The following POU2F1 variants were observed in gnomAD, a reference collection of about 807,000 sequenced individuals.
POU2F1 encodes POU class 2 homeobox 1.
In POU2F1, 16 loss-of-function variants were observed where a neutral mutation model predicts 84.9. The ratio of observed to expected loss-of-function variants is 0.19; its 90% CI spans 0.13 to 0.29. The LOEUF (loss-of-function observed/expected upper bound fraction) is 0.29. POU2F1 is among the 10% of genes least tolerant of loss of function. The pLI is 1.00. For synonymous variants in POU2F1, 368 were observed against 368.3 expected, an observed-to-expected ratio of 1.00 and a Z score of 0.01; for missense variants, 738 against 942.6, an observed-to-expected ratio of 0.78 and a Z score of 2.84.
At chr1:167,375,547 C>T (rs374930332) in intron 6 of POU2F1, among the ~76,000 whole-genome samples, 166 of 151,970 alleles carry the variant, frequency 1.1e-3, no homozygotes, top group African/African-American at 3.5e-3. Context: ...TGGAAAAGGG[C>T]AAAAAAATTG....
chr1:167,245,562 C>T (rs1013568202), intron 1 of POU2F1, among the ~76,000 whole-genome samples: 16 of 151,886 alleles, frequency 1.1e-4, no homozygotes, highest in Admixed American at 5.3e-4. Flanking sequence ...TATAGGCATG[C>T]GCCACCACAC....
intron 1 of POU2F1, among the ~76,000 whole-genome samples, chr1:167,323,875 T>G (rs992700353): frequency 6.6e-6 from 1 of 152,174 alleles, no homozygotes; most frequent in Middle Eastern, 3.4e-3. Flanking sequence ...GCATTTTTAG[T>G]AGAGATAGGG....
At chr1:167,279,451 C>A (rs1329587884) in intron 1 of POU2F1, among the ~76,000 whole-genome samples, 1 of 152,096 alleles carries the variant, frequency 6.6e-6, no homozygotes, top group East Asian at 1.9e-4. Context: ...TATAGAAATT[C>A]TTGATAATTT....
intron 13 of POU2F1, among the ~76,000 whole-genome samples, chr1:167,406,027 G>A (rs530823958): frequency 6.6e-6 from 1 of 151,894 alleles, no homozygotes; most frequent in East Asian, 1.9e-4. Context: ...TATCAGGCCG[G>A]TATTACCCAG....
Position 167,275,030 on chromosome 1 carries a change from G to GTTTTTTTTTTTTTTTTTTTTTTT in POU2F1, c.61+54073_61+54074insTTTTTTTTTTTTTTTTTTTTTTT, listed in dbSNP as rs1202443333. 1.7e-5 allele frequency among the ~76,000 whole-genome samples: 2 copies of GTTTTTTTTTTTTTTTTTTTTTTT among 120,756 alleles called. 1 individual carries two copies. Among genetic ancestry groups the GTTTTTTTTTTTTTTTTTTTTTTT allele is most frequent in the African/African-American group, 6.2e-5 (2 of 32,292 alleles). 79.2% of individuals were successfully genotyped at this position (120,756 alleles called of 152,430 possible). A position where few individuals can be genotyped will look rare whatever the true frequency, so the allele number is the denominator to read the frequency against. The stretch of plus-strand genomic sequence containing the variant: ...GCTAATCTTACTTAGTCAAATAAAT[G>GTTTTTTTTTTTTTTTTTTTTTTT]TATTTTTTTTTTTTTTTTTTTTTGA... On this transcript the variant is annotated intron_variant, in intron 1 of 15. Coordinates refer to ENST00000367866, the MANE Select transcript of POU2F1 (RefSeq NM_002697.4).
chr1:167,320,532 T>C (rs1326265317), intron 1 of POU2F1, among the ~76,000 whole-genome samples: 4 of 152,238 alleles, frequency 2.6e-5, no homozygotes, highest in Non-Finnish European at 5.9e-5. Flanking sequence ...GTTGTATTTC[T>C]GCCTTTGTAA....
chr1:167,271,461 A>T (rs1652360842), intron 1 of POU2F1, among the ~76,000 whole-genome samples: 1 of 152,260 alleles, frequency 6.6e-6, no homozygotes, highest in Non-Finnish European at 1.5e-5. Flanking sequence ...GAGAAAAGGC[A>T]TAATAAGATT....
At chr1:167,386,417 C>T (rs978395838) in intron 8 of POU2F1, among the ~76,000 whole-genome samples, 2 of 152,188 alleles carry the variant, frequency 1.3e-5, no homozygotes, top group Admixed American at 1.3e-4. Context: ...AACCCCTGGG[C>T]TCAAGCAATC....
chr1:167,375,201 T>C (rs1660244654), intron 6 of POU2F1, among the ~76,000 whole-genome samples: 1 of 152,198 alleles, frequency 6.6e-6, no homozygotes, highest in African/African-American at 2.4e-5. Context: ...CAGAAAAGAC[T>C]CAGAAATGGA....
chr1:167,358,634 A>G (rs1045930228), intron 2 of POU2F1, among the ~76,000 whole-genome samples: 1 of 149,354 alleles, frequency 6.7e-6, no homozygotes, highest in African/African-American at 2.5e-5. Flanking sequence ...TATATTTTCT[A>G]TAGAGTTATT....
At chr1:167,404,192 T>A (rs1435613449) in intron 13 of POU2F1, among the ~76,000 whole-genome samples, 1 of 151,874 alleles carries the variant, frequency 6.6e-6, no homozygotes, top group Non-Finnish European at 1.5e-5. Context: ...TTTTTTTTTT[T>A]AAGTTAGGAT....
chr1:167,255,258 T>C (rs966668287), intron 1 of POU2F1, among the ~76,000 whole-genome samples: 2 of 152,318 alleles, frequency 1.3e-5, no homozygotes, highest in African/African-American at 2.4e-5. Context: ...GAAGTCCTAC[T>C]AGGTACCTCA....
intron 1 of POU2F1, among the ~76,000 whole-genome samples, chr1:167,299,697 T>TTTTTTTTTTTG (rs1415816388): frequency 6.7e-6 from 1 of 149,772 alleles, no homozygotes; most frequent in African/African-American, 2.4e-5. Context: ...AGACCAGAGT[T>TTTTTTTTTTTG]TTTTTTTTTT....
At chr1:167,337,162 T>C (rs1267396428) in intron 2 of POU2F1, among the ~76,000 whole-genome samples, 1 of 127,494 alleles carries the variant, frequency 7.8e-6, no homozygotes, top group African/African-American at 3.0e-5. Context: ...AAACTCCATC[T>C]CAAAAGAAAA....
intron 2 of POU2F1, chr1:167,357,604 C>G (rs1012284376): frequency 6.6e-6 from 1 of 151,764 alleles, no homozygotes. Context: ...ATCTCAAACT[C>G]CAGAGCTCAA....
At chr1:167,262,341 T>C (rs1381317571) in intron 1 of POU2F1, among the ~76,000 whole-genome samples, 1 of 152,140 alleles carries the variant, frequency 6.6e-6, no homozygotes, top group East Asian at 1.9e-4. Flanking sequence ...CTTCTTTCTT[T>C]TAGTGTGGCT....
At chr1:167,398,226 A>G (rs1481186906) in intron 11 of POU2F1, 93 bp downstream of exon 11, 1 of 1,415,648 alleles carries the variant, frequency 7.1e-7, no homozygotes, top group Non-Finnish European at 9.6e-7. Context: ...AAAAGATGAC[A>G]TGTCAGCCTC....
intron 2 of POU2F1, among the ~76,000 whole-genome samples, chr1:167,337,185 G>T (rs534299284): frequency 1.3e-5 from 2 of 149,940 alleles, no homozygotes; most frequent in African/African-American, 4.9e-5. Context: ...AAAAAAGCTA[G>T]GTGTAGTGGT....
At chr1:167,366,442 T>A (rs941782869) in intron 3 of POU2F1, among the ~76,000 whole-genome samples, 22 of 152,204 alleles carry the variant, frequency 1.4e-4, no homozygotes, top group Non-Finnish European at 2.6e-4. Flanking sequence ...GCACTGAATA[T>A]ATACATCTTA....
Sources: gnomAD v4.1 joint callset for allele counts (sites outside exome capture counted in the v4.1 genomes callset) on GRCh38, gnomAD v4.1.1 for gene constraint, MANE v1.5 for transcripts, NCBI Gene and HGNC (gene_info 2026-07-23, HGNC 2026-07-21) for gene names.